Variants in FILIP1 observed in about 807,000 individuals in gnomAD.
FILIP1 encodes filamin A interacting protein 1.
In FILIP1, 61 loss-of-function variants were observed where a neutral mutation model predicts 102.1. That is an observed-to-expected ratio of 0.60 (90% CI 0.49 to 0.74). FILIP1 has a LOEUF of 0.74. Ranked by LOEUF, FILIP1 falls within the 30% of genes least tolerant of loss-of-function variation. The probability of loss-of-function intolerance (pLI) is 0.00; values close to 1 mark genes in which losing one functional copy is unlikely to be tolerated. For missense variants in FILIP1, 1,314 were observed against 1,441.2 expected (o/e 0.91, Z 1.43); for synonymous variants, 491 against 526.9 (o/e 0.93, Z 0.93).
In FILIP1 at chr6:75,450,651, A is replaced by T. The variant is rs1487790211; in HGVS notation, c.-6-35673T>A. Among the ~76,000 whole-genome samples the T allele has an allele frequency of 2.9e-5, 4 of 140,066 alleles. 1 individual carries two copies. The South Asian group carries it at 1.1e-3, about 37-fold the overall frequency. 91.9% of individuals were successfully genotyped at this position (140,066 alleles called of 152,430 possible). A position where few individuals can be genotyped will look rare whatever the true frequency, so the allele number is the denominator to read the frequency against. On this transcript the variant is annotated intron_variant, in intron 1 of 5. Transcript: ENST00000237172. ...AGAATAAGAACTTCTCTCTTAAAAA[A>T]GAAAAAAAAAAAAAAAAAGAGTGGC... is the stretch of plus-strand genomic sequence containing the variant.
chr6:75,364,393 G>A (rs984196784), intron 2 of FILIP1, among the ~76,000 whole-genome samples: 5 of 152,108 alleles, frequency 3.3e-5, no homozygotes, highest in Non-Finnish European at 2.9e-5. Flanking sequence ...CACAGCTTAC[G>A]TAGTGAGTGA....
In FILIP1 at chr6:75,353,652, G is replaced by A. The variant is rs142490872; in HGVS notation, c.516C>T (p.Ala172=). 2,089 of 1,614,058 alleles carry A rather than the reference G, an allele frequency of 1.3e-3. 5 individuals are homozygous for A. The highest frequency in any genetic ancestry group is 1.6e-3 in the Non-Finnish European group (1,893 of 1,180,026). ...YRRMLEQLLL[A]EKCHRRTVYE... is the part of the protein sequence containing the mutation. ...ATACGGTGCGCCTATGACACTTCTC[G>A]GCCAGCAACAGCTGCTCTAGCATGC... is the stretch of plus-strand genomic sequence containing the variant. The change falls in exon 4 of 6, where the codon GCC becomes GCT. Residue 172 remains alanine, a synonymous_variant. Coordinates refer to ENST00000237172, the MANE Select transcript of FILIP1 (RefSeq NM_015687.5).
intron 1 of FILIP1, among the ~76,000 whole-genome samples, chr6:75,489,356 C>A (rs1033046216): frequency 9.9e-5 from 15 of 152,042 alleles, no homozygotes; most frequent in African/African-American, 3.6e-4. Context: ...CAAAGTATGT[C>A]CCAAGCAGGA....
intron 1 of FILIP1, among the ~76,000 whole-genome samples, chr6:75,425,715 T>C (rs1777604845): frequency 6.6e-6 from 1 of 152,164 alleles, no homozygotes; most frequent in East Asian, 1.9e-4. Flanking sequence ...AGTGTCCTCA[T>C]CTGTAAAATG....
intron 1 of FILIP1, among the ~76,000 whole-genome samples, chr6:75,440,962 A>C (rs1379402003): frequency 2.0e-5 from 3 of 150,514 alleles, no homozygotes; most frequent in African/African-American, 7.3e-5. Context: ...AAAAAAAAAA[A>C]GGTATGACCG....
intron 1 of FILIP1, among the ~76,000 whole-genome samples, chr6:75,474,704 G>C (rs1055821449): frequency 3.3e-5 from 5 of 152,126 alleles, no homozygotes; most frequent in Non-Finnish European, 7.4e-5. Flanking sequence ...GAAGATATCA[G>C]ACAAAAGTTT....
At chr6:75,450,111 T>A (rs530200475) in intron 1 of FILIP1, among the ~76,000 whole-genome samples, 10 of 152,034 alleles carry the variant, frequency 6.6e-5, no homozygotes, top group Non-Finnish European at 8.8e-5. Flanking sequence ...GATTACTTTT[T>A]AAAAATTTTT....
chr6:75,325,409 G>A (rs745557010), intron 4 of FILIP1, among the ~76,000 whole-genome samples: 1 of 152,170 alleles, frequency 6.6e-6, no homozygotes, highest in African/African-American at 2.4e-5. Flanking sequence ...GTGACAGAGC[G>A]AGACTCTGTC....
intron 1 of FILIP1, among the ~76,000 whole-genome samples, chr6:75,417,806 T>A (rs1777319973): frequency 6.6e-6 from 1 of 152,214 alleles, no homozygotes; most frequent in African/African-American, 2.4e-5. Flanking sequence ...GGACACTAAA[T>A]ACTAACCCAC....
intron 1 of FILIP1, among the ~76,000 whole-genome samples, chr6:75,482,891 T>C (rs1582571530): frequency 6.6e-6 from 1 of 152,320 alleles, no homozygotes; most frequent in Middle Eastern, 3.4e-3. Context: ...ATTGAGTACT[T>C]GTTTGGTTCA....
At chr6:75,302,071 T>C (rs1173570679) in intron 6 of FILIP1, among the ~76,000 whole-genome samples, 2 of 152,118 alleles carry the variant, frequency 1.3e-5, no homozygotes, top group Non-Finnish European at 2.9e-5. Context: ...GAAAGGGCCA[T>C]TTGTAACTCA....
At chr6:75,379,083 T>C (rs957104461) in intron 2 of FILIP1, among the ~76,000 whole-genome samples, 1 of 152,210 alleles carries the variant, frequency 6.6e-6, no homozygotes, top group Non-Finnish European at 1.5e-5. Flanking sequence ...ATGAGAAATC[T>C]AGGCTGAAGT....
rs77508517 is a variant in FILIP1 at position 75,465,140 on chromosome 6, C to T, written c.-7+28274G>A. 1,565 of 172,506 alleles carry T rather than the reference C, an allele frequency of 9.1e-3. 52 individuals carry two copies. The East Asian group carries it at 0.12, about 13-fold the overall frequency. The allele number at this position is 172,506 out of a possible 1,614,324, so 10.7% of individuals were successfully genotyped here. A position where few individuals can be genotyped will look rare whatever the true frequency, so the allele number is the denominator to read the frequency against. ...AAGAGCAACACAAAATGGCAGCTAC[C>T]ATGGGCTCTGGAGCAAAAGTCCCTT... is the stretch of plus-strand genomic sequence containing the variant. On this transcript the variant is annotated intron_variant, in intron 1 of 5. Transcript: ENST00000237172.
Position 75,313,289 on chromosome 6 carries a change from T to C in FILIP1, c.2543A>G (p.Glu848Gly). 6.2e-7 allele frequency: 1 copy of C among 1,614,232 alleles called. No individual in the cohort carries two copies. Among genetic ancestry groups the C allele is most frequent in the Non-Finnish European group, 8.5e-7 (1 of 1,180,038 alleles). ...LRQVGLKKPV[E>G]RSSVLDRYPP... is the part of the protein sequence containing the mutation. The stretch of plus-strand genomic sequence containing the variant: ...ATACCTGTCTAGAACAGAAGATCTT[T>C]CCACGGGTTTCTTCAATCCCACCTG... The change falls in exon 5 of 6, where the codon GAA (glutamate) becomes GGA (glycine). Residue 848 changes from glutamate to glycine, a missense_variant. Transcript: ENST00000237172. This position sits in a 1 kb window ranked among gnomAD's most constrained non-coding sequence, Gnocchi z 4.2.
chr6:75,359,344 C>T (rs1775105286), intron 3 of FILIP1, among the ~76,000 whole-genome samples: 1 of 151,950 alleles, frequency 6.6e-6, no homozygotes, highest in Non-Finnish European at 1.5e-5. Context: ...TGAATATACT[C>T]AAGAAATGTT....
Position 75,308,309 on chromosome 6 carries a change from G to A in FILIP1, c.*382C>T, listed in dbSNP as rs1773052823. On this transcript the variant is annotated 3_prime_UTR_variant, in exon 6 of 6. Coordinates refer to ENST00000237172, the MANE Select transcript of FILIP1 (RefSeq NM_015687.5). ...GATTTTTTTAATAAAAAATTATTGT[G>A]GAACAAGGTACATTAAATTTGGCTT... 1 of 994,466 alleles carries A rather than the reference G, an allele frequency of 1.0e-6. No individual in the cohort carries two copies. The highest frequency in any genetic ancestry group is 4.6e-5 in the South Asian group (1 of 21,974). 61.6% of individuals were successfully genotyped at this position (994,466 alleles called of 1,614,324 possible). A position where few individuals can be genotyped will look rare whatever the true frequency, so the allele number is the denominator to read the frequency against.
In FILIP1 at chr6:75,414,832, A is replaced by G. The variant is rs762706379; in HGVS notation, c.141T>C (p.Asp47=). ...KKKKKSNRKE[D]DVMASGTVKR... ...TGACAGTTCCTGAGGCCATGACATC[A>G]TCCTCCTTCCTATTTGATTTCTTCT... Residue 47 remains aspartate (D), a synonymous_variant, in exon 2 of 6, where the codon GAT becomes GAC. Coordinates refer to ENST00000237172, the MANE Select transcript of FILIP1 (RefSeq NM_015687.5). 4 of 1,613,878 alleles carry G rather than the reference A, an allele frequency of 2.5e-6. No homozygotes were observed. The East Asian group carries it at 6.7e-5, about 27-fold the overall frequency.
At chr6:75,460,840 T>C (rs1779001209) in intron 1 of FILIP1, among the ~76,000 whole-genome samples, 1 of 152,204 alleles carries the variant, frequency 6.6e-6, no homozygotes, top group African/African-American at 2.4e-5. Context: ...CTTGTTAGCT[T>C]TGTTTTTTTC....
intron 1 of FILIP1, among the ~76,000 whole-genome samples, chr6:75,445,443 A>C (rs1778413493): frequency 1.3e-5 from 2 of 151,778 alleles, no homozygotes. Flanking sequence ...CCACACTATT[A>C]ATCTTATTAT....
Sources: allele counts gnomAD v4.1 joint callset (sites outside exome capture counted in the v4.1 genomes callset), GRCh38; gene constraint gnomAD v4.1.1; non-coding constraint Gnocchi (gnomAD v3.1); transcripts MANE v1.5; gene names NCBI Gene and HGNC (gene_info 2026-07-23, HGNC 2026-07-21).